The following IQUB variants were observed in gnomAD, a reference collection of about 807,000 sequenced individuals.
IQUB encodes IQ motif and ubiquitin domain containing, also known as IQ motif and ubiquitin-like domain-containing protein.
Under a neutral mutation model 86.4 loss-of-function variants are expected in IQUB, and 86 were observed. The observed-to-expected ratio is 1.00, with a 90% confidence interval of 0.84 to 1.19. The LOEUF is 1.19. Among genes scored for constraint, IQUB ranks in the 50% most tolerant of loss-of-function variants. The pLI is 0.00. For missense variants in IQUB, 946 were observed against 916.9 expected (o/e 1.03, Z -0.41); for synonymous variants, 289 against 304.5 (o/e 0.95, Z 0.53).
intron 8 of IQUB, among the ~76,000 whole-genome samples, chr7:123,478,098 T>C (rs964779483): frequency 1.3e-5 from 2 of 152,082 alleles, no homozygotes; most frequent in African/African-American, 4.8e-5. Context: ...GGGTATATAC[T>C]CAAAGGATTA....
intron 10 of IQUB, among the ~76,000 whole-genome samples, chr7:123,463,090 C>T (rs184314453): frequency 6.6e-6 from 1 of 151,490 alleles, no homozygotes; most frequent in Non-Finnish European, 1.5e-5. Flanking sequence ...ATATTCCCCC[C>T]AAAAAAGAAG....
chr7:123,528,512 A>G (rs1797370811), intron 1 of IQUB, among the ~76,000 whole-genome samples: 1 of 152,216 alleles, frequency 6.6e-6, no homozygotes, highest in African/African-American at 2.4e-5. Context: ...TCTGGGATCC[A>G]AATCCAGGCA....
intron 1 of IQUB, among the ~76,000 whole-genome samples, chr7:123,515,511 G>T (rs1796599636): frequency 6.6e-6 from 1 of 152,130 alleles, no homozygotes; most frequent in African/African-American, 2.4e-5. Flanking sequence ...GCCAGGCCTA[G>T]GTTGAGGCAA....
chr7:123,530,644 C>T (rs1468769155), intron 1 of IQUB, among the ~76,000 whole-genome samples: 1 of 150,868 alleles, frequency 6.6e-6, no homozygotes, highest in African/African-American at 2.4e-5. Flanking sequence ...TTTTACTCTG[C>T]ACAAACTTTT....
chr7:123,457,628 A>G, intron 11 of IQUB, 62 bp from the exon 12 acceptor site: 1 of 1,186,392 alleles, frequency 8.4e-7, no homozygotes, highest in South Asian at 1.4e-5. Flanking sequence ...TTATTATATT[A>G]CTTGAGCAAA....
chr7:123,479,012 T>C (rs973664626), intron 8 of IQUB, among the ~76,000 whole-genome samples: 1 of 151,978 alleles, frequency 6.6e-6, no homozygotes, highest in African/African-American at 2.4e-5. Flanking sequence ...TGAGATCAAA[T>C]AAAGGAGTGA....
rs762326961 is a variant in IQUB, at chr7:123,509,881, T to C, written c.532+20A>G. 5.7e-6 allele frequency: 9 copies of C among 1,585,642 alleles called. No individual in the cohort carries two copies. The East Asian group carries it at 2.0e-4, about 36-fold the overall frequency. Reference sequence around the variant, plus strand: ...AAAACTAGAAAAGTCTTGATATGTTTTATTAGCCTCCAAACTTACCTGAGT... The same window carrying C: ...AAAACTAGAAAAGTCTTGATATGTTCTATTAGCCTCCAAACTTACCTGAGT... On this transcript the variant is annotated intron_variant, in intron 3 of 12. Coordinates refer to ENST00000324698, the MANE Select transcript of IQUB (RefSeq NM_178827.5).
chr7:123,472,260 A>T (rs57222153), intron 8 of IQUB, among the ~76,000 whole-genome samples: 7,167 of 152,100 alleles, frequency 0.047, 535 homozygotes, highest in African/African-American at 0.16. Flanking sequence ...AAAAAAGAAA[A>T]GAAAAGGAAA....
intron 6 of IQUB, among the ~76,000 whole-genome samples, chr7:123,498,252 C>T (rs1795790249): frequency 6.6e-6 from 1 of 151,844 alleles, no homozygotes; most frequent in African/African-American, 2.4e-5. Context: ...ATTTTCAGGC[C>T]CCACCCCAGA....
chr7:123,457,621 T>G (rs1164579060), intron 11 of IQUB, 55 bp from the exon 12 acceptor site: 1 of 1,273,514 alleles, frequency 7.9e-7, no homozygotes, highest in African/African-American at 1.5e-5. Context: ...TTTAAGATTA[T>G]TATATTACTT....
In IQUB at chr7:123,491,081, A is replaced by C. The variant is rs180915970; in HGVS notation, c.1234+5615T>G. On this transcript the variant is annotated intron_variant, in intron 7 of 12. Coordinates refer to ENST00000324698, the MANE Select transcript of IQUB (RefSeq NM_178827.5). ...ACAGAAAGATATCTGAAAAATCCCC[A>C]ACTATTTAGCAATTAAATAACCTAC... Among the ~76,000 whole-genome samples the C allele has an allele frequency of 1.9e-3, 288 of 152,290 alleles. 2 individuals are homozygous for C. Among genetic ancestry groups the C allele is most frequent in the African/African-American group, 6.6e-3 (275 of 41,570 alleles).
intron 7 of IQUB, among the ~76,000 whole-genome samples, chr7:123,493,777 A>G (rs1417756364): frequency 1.4e-3 from 140 of 101,586 alleles, no homozygotes; most frequent in Admixed American, 3.3e-3. Context: ...GTGTGTGTGC[A>G]TGTGTGTATA....
chr7:123,460,596 G>A (rs1477371551), intron 11 of IQUB, among the ~76,000 whole-genome samples: 1 of 151,870 alleles, frequency 6.6e-6, no homozygotes, highest in East Asian at 1.9e-4. Context: ...TTATTAATAA[G>A]TGGCTAATGT....
rs200787907 is a variant in IQUB at position 123,469,329 on chromosome 7, G to A, written c.1466C>T (p.Thr489Met). The A allele has an allele frequency of 1.7e-5, 27 of 1,607,028 alleles. No individual in the cohort carries two copies. Among genetic ancestry groups the A allele is most frequent in the Middle Eastern group, 1.7e-4 (1 of 6,032 alleles). Reference sequence around the variant, plus strand: ...CTCTCTGGCTCTGATGGTGAACTGCGTATCCATCTCAATTGTTTTGCCATT... The same window carrying A: ...CTCTCTGGCTCTGATGGTGAACTGCATATCCATCTCAATTGTTTTGCCATT... ...TPNGKTIEMD[T>M]QFTIRARELQ... is the part of the protein sequence containing the mutation. The change falls in exon 9 of 13, where the codon ACG becomes ATG. Residue 489 changes from threonine to methionine, a missense_variant. Transcript: ENST00000324698.
At chr7:123,489,025 A>G (rs1245477695) in intron 7 of IQUB, among the ~76,000 whole-genome samples, 1 of 152,216 alleles carries the variant, frequency 6.6e-6, no homozygotes, top group Admixed American at 6.5e-5. Flanking sequence ...GAAGCCAGAA[A>G]TAAAATATAC....
intron 8 of IQUB, among the ~76,000 whole-genome samples, chr7:123,477,590 TG>T (rs1299463595): frequency 9.9e-5 from 15 of 152,050 alleles, no homozygotes; most frequent in Admixed American, 5.2e-4. Flanking sequence ...AATAGACAAA[TG>T]GGATCTAATT....
intron 1 of IQUB, among the ~76,000 whole-genome samples, chr7:123,532,090 T>A (rs1299632879): frequency 2.6e-5 from 4 of 152,184 alleles, no homozygotes; most frequent in African/African-American, 7.2e-5. Flanking sequence ...TTGATAAAAG[T>A]GTGGCACAAA....
intron 7 of IQUB, among the ~76,000 whole-genome samples, chr7:123,481,740 A>T (rs1795013091): frequency 6.6e-6 from 1 of 152,130 alleles, no homozygotes; most frequent in Admixed American, 6.6e-5. Context: ...GCTTTAAGAA[A>T]GTCTTTGAAA....
chr7:123,463,085 C>T (rs887450263), intron 10 of IQUB, among the ~76,000 whole-genome samples: 4 of 151,446 alleles, frequency 2.6e-5, no homozygotes, highest in Non-Finnish European at 4.4e-5. Flanking sequence ...AGAGTATATT[C>T]CCCCCAAAAA....
Sources: allele counts gnomAD v4.1 joint callset (sites outside exome capture counted in the v4.1 genomes callset), GRCh38; gene constraint gnomAD v4.1.1; transcripts MANE v1.5; gene names NCBI Gene and HGNC (gene_info 2026-07-23, HGNC 2026-07-21).